The following SWT1 variants were observed in gnomAD, a reference collection of about 807,000 sequenced individuals.
SWT1 encodes the protein transcriptional protein SWT1.
SWT1 carries 33 observed loss-of-function variants against 107.3 expected under a neutral mutation model. That is an observed-to-expected ratio of 0.31 (90% confidence interval 0.23 to 0.41). SWT1 has a LOEUF of 0.41. SWT1 is among the 10% of genes least tolerant of loss of function. The pLI is 1.00. For synonymous variants in SWT1, 345 were observed against 348.3 expected (o/e 0.99, Z 0.11); for missense variants, 898 against 1,028.9 (o/e 0.87, Z 1.74).
chr1:185,228,200 T>TATATATATACAC (rs1235462995), intron 15 of SWT1, among the ~76,000 whole-genome samples: 90 of 144,996 alleles, frequency 6.2e-4, no homozygotes, highest in African/African-American at 2.3e-3. Context: ...CATATATATA[T>TATATATATACAC]ACTCAGTATG....
At chr1:185,224,769 A>G (rs1659925958) in intron 15 of SWT1, among the ~76,000 whole-genome samples, 2 of 152,154 alleles carry the variant, frequency 1.3e-5, no homozygotes, top group East Asian at 1.9e-4. Flanking sequence ...ATAGTTCACT[A>G]TTAGCATATA....
At chr1:185,240,555 A>G (rs542171533) in intron 16 of SWT1, among the ~76,000 whole-genome samples, 10 of 152,216 alleles carry the variant, frequency 6.6e-5, no homozygotes, top group African/African-American at 1.9e-4. Flanking sequence ...TTAGCAATAA[A>G]TGACTGCTAA....
At chr1:185,257,103 T>G (rs570060976) in intron 16 of SWT1, among the ~76,000 whole-genome samples, 1,563 of 151,192 alleles carry the variant, frequency 0.01, 14 homozygotes, top group South Asian at 0.022. Flanking sequence ...GGGGGTCAGG[T>G]GTCAGGGACC....
chr1:185,212,968 G>A (rs1404573662), intron 13 of SWT1, among the ~76,000 whole-genome samples: 1 of 152,132 alleles, frequency 6.6e-6, no homozygotes, highest in Non-Finnish European at 1.5e-5. Flanking sequence ...ATAGAAAATT[G>A]TGTGGAAAAT....
intron 16 of SWT1, among the ~76,000 whole-genome samples, chr1:185,245,234 TTTTA>T (rs772952332): frequency 3.3e-5 from 5 of 152,298 alleles, no homozygotes; most frequent in East Asian, 1.9e-4. Flanking sequence ...TTATAACAAT[TTTTA>T]TTTATTTTTT....
chr1:185,265,406 A>T (rs1017451851), intron 16 of SWT1, among the ~76,000 whole-genome samples: 3 of 152,208 alleles, frequency 2.0e-5, no homozygotes, highest in Non-Finnish European at 4.4e-5. Context: ...AATCCCCCCC[A>T]AACGTGCTCT....
chr1:185,270,935 G>A (rs936986224), intron 16 of SWT1, among the ~76,000 whole-genome samples: 3 of 152,204 alleles, frequency 2.0e-5, no homozygotes, highest in African/African-American at 7.2e-5. Context: ...GAACATTTCT[G>A]TGGGAAATAC....
At chr1:185,174,103 A>G (rs1395059926) in intron 4 of SWT1, among the ~76,000 whole-genome samples, 1 of 152,188 alleles carries the variant, frequency 6.6e-6, no homozygotes, top group Non-Finnish European at 1.5e-5. Flanking sequence ...TTATTATGAT[A>G]ATAATAATTA....
intron 14 of SWT1, among the ~76,000 whole-genome samples, chr1:185,219,979 A>G (rs1248258044): frequency 2.0e-5 from 3 of 151,794 alleles, no homozygotes; most frequent in African/African-American, 7.3e-5. Flanking sequence ...CTCTGTCTCT[A>G]CAACAAATAA....
chr1:185,190,022 ATTTTT>A (rs1379940073), intron 9 of SWT1, among the ~76,000 whole-genome samples: 2 of 151,764 alleles, frequency 1.3e-5, no homozygotes, highest in Non-Finnish European at 2.9e-5. Flanking sequence ...TAATTTTTGT[ATTTTT>A]AGTAGAGATG....
At chr1:185,264,170 T>G in intron 16 of SWT1, 1 of 180,488 alleles carries the variant, frequency 5.5e-6, no homozygotes, top group Non-Finnish European at 1.1e-5. Flanking sequence ...CAATCATGGT[T>G]TTGTTCACAT....
intron 16 of SWT1, among the ~76,000 whole-genome samples, chr1:185,263,077 G>A (rs1663140733): frequency 6.6e-6 from 1 of 152,172 alleles, no homozygotes; most frequent in African/African-American, 2.4e-5. Context: ...ATGAGCCATG[G>A]TGCCAGCCCC....
At chr1:185,238,009 C>T (rs1273055357) in intron 16 of SWT1, among the ~76,000 whole-genome samples, 2 of 150,034 alleles carry the variant, frequency 1.3e-5, no homozygotes, top group African/African-American at 4.9e-5. Flanking sequence ...TTTTTTTAAA[C>T]AGAGTATTAC....
chr1:185,205,964 G>T (rs1488376421), intron 12 of SWT1, among the ~76,000 whole-genome samples: 5 of 152,032 alleles, frequency 3.3e-5, no homozygotes. Flanking sequence ...AGTTGTCACT[G>T]ACATCTTTTT....
chr1:185,189,142 G>A (rs148950585), intron 9 of SWT1, among the ~76,000 whole-genome samples: 117 of 151,816 alleles, frequency 7.7e-4, no homozygotes, highest in African/African-American at 2.5e-3. Flanking sequence ...GTGTGCCACC[G>A]AGCCTGGATA....
intron 16 of SWT1, among the ~76,000 whole-genome samples, chr1:185,260,872 A>G (rs1662969558): frequency 1.3e-5 from 2 of 152,068 alleles, no homozygotes; most frequent in Non-Finnish European, 2.9e-5. Flanking sequence ...CACATGACAA[A>G]TAATGACACA....
intron 1 of SWT1, 130 bp from the exon 2 acceptor site, chr1:185,160,701 CAA>C: frequency 3.2e-6 from 2 of 628,858 alleles, no homozygotes; most frequent in Non-Finnish European, 5.1e-6. Context: ...GACTCCATCT[CAA>C]AAAAAAATAA....
At chr1:185,259,767 A>C (rs977197484) in intron 16 of SWT1, among the ~76,000 whole-genome samples, 1 of 152,122 alleles carries the variant, frequency 6.6e-6, no homozygotes, top group African/African-American at 2.4e-5. Flanking sequence ...GAATCCCTTT[A>C]TCTGTTTAGA....
chr1:185,290,048 T>C (rs1323533577), intron 18 of SWT1, among the ~76,000 whole-genome samples: 4 of 151,972 alleles, frequency 2.6e-5, no homozygotes, highest in Non-Finnish European at 4.4e-5. Flanking sequence ...GAGAATTGCT[T>C]GAGCCCAGGA....
Sources: allele counts gnomAD v4.1 joint callset (sites outside exome capture counted in the v4.1 genomes callset), GRCh38; gene constraint gnomAD v4.1.1; transcripts MANE v1.5; gene names NCBI Gene and HGNC (gene_info 2026-07-23, HGNC 2026-07-21).